Variants in CFAP20DC observed in about 807,000 individuals in gnomAD.
CFAP20DC encodes the protein CFAP20 domain containing, also known as protein CFAP20DC.
Under a neutral mutation model 101.7 loss-of-function variants are expected in CFAP20DC, and 84 were observed. The observed-to-expected ratio is 0.83, with a 90% CI of 0.69 to 0.99. The LOEUF is 0.99. Ranked by LOEUF, CFAP20DC falls within the 50% of genes least tolerant of loss-of-function variation. The pLI, the probability that CFAP20DC is intolerant of heterozygous loss-of-function variation, is 0.00. For synonymous variants in CFAP20DC, 359 were observed against 351.2 expected (o/e 1.02, Z -0.25); for missense variants, 1,007 against 970.3 (o/e 1.04, Z -0.50).
At chr3:58,789,405 T>C (rs2072660871) in intron 15 of CFAP20DC, among the ~76,000 whole-genome samples, 2 of 152,184 alleles carry the variant, frequency 1.3e-5, no homozygotes, top group Admixed American at 1.3e-4. Flanking sequence ...GGTATCATTT[T>C]CATTATTGTG....
intron 15 of CFAP20DC, among the ~76,000 whole-genome samples, chr3:58,780,357 T>C (rs1186595429): frequency 6.6e-6 from 1 of 151,852 alleles, no homozygotes; most frequent in Non-Finnish European, 1.5e-5. Flanking sequence ...CAATGGTAAA[T>C]AGTAAGAGCA....
chr3:58,817,071 C>T (rs1391111484), intron 14 of CFAP20DC, among the ~76,000 whole-genome samples: 2 of 152,040 alleles, frequency 1.3e-5, no homozygotes, highest in African/African-American at 4.8e-5. Flanking sequence ...AGACCTGCAG[C>T]TGAGGGTCTT....
intron 4 of CFAP20DC, among the ~76,000 whole-genome samples, chr3:59,003,796 G>A (rs2108778585): frequency 6.6e-6 from 1 of 152,282 alleles, no homozygotes. Flanking sequence ...GAAAGTAGAG[G>A]AACCTATAAT....
At chr3:58,842,437 G>A (rs567653739) in intron 13 of CFAP20DC, among the ~76,000 whole-genome samples, 43 of 152,148 alleles carry the variant, frequency 2.8e-4, no homozygotes, top group South Asian at 2.3e-3. Flanking sequence ...ACTCCCACCC[G>A]AATATTGCGC....
chr3:58,842,781 G>T (rs1559686249), intron 13 of CFAP20DC, among the ~76,000 whole-genome samples: 1 of 152,186 alleles, frequency 6.6e-6, no homozygotes, highest in Non-Finnish European at 1.5e-5. Context: ...AGCTTTGAAG[G>T]AGCAGTGGTT....
At chr3:58,744,488 A>G (rs1172804440) in intron 16 of CFAP20DC, among the ~76,000 whole-genome samples, 1 of 152,214 alleles carries the variant, frequency 6.6e-6, no homozygotes, top group Non-Finnish European at 1.5e-5. Context: ...CTACATTTTA[A>G]TAAGTCAGGT....
At chr3:58,953,229 A>G (rs533823556) in intron 4 of CFAP20DC, among the ~76,000 whole-genome samples, 1 of 152,294 alleles carries the variant, frequency 6.6e-6, no homozygotes, top group East Asian at 1.9e-4. Context: ...GCCAAAAGAA[A>G]GATTCACTCC....
rs1434663769 is a variant in CFAP20DC at position 58,874,783 on chromosome 3, C to A, written c.716-4474G>T. Among the ~76,000 whole-genome samples, 1 of 152,144 alleles carries A rather than the reference C, an allele frequency of 6.6e-6. No individual in the cohort carries two copies. The highest frequency in any genetic ancestry group is 1.5e-5 in the Non-Finnish European group (1 of 68,020). ...GTCAGAATTGAACTTTTACACATGT[C>A]CATGGGATTCTCTAATTAATGTGTG... On this transcript the variant is annotated intron_variant, in intron 7 of 16. Transcript: ENST00000482387. This position sits in a 1 kb window ranked among gnomAD's most constrained non-coding sequence, Gnocchi z 5.1.
chr3:59,033,551 C>G (rs1043339339), intron 4 of CFAP20DC, among the ~76,000 whole-genome samples: 2 of 151,928 alleles, frequency 1.3e-5, no homozygotes, highest in African/African-American at 4.8e-5. Flanking sequence ...TTTCGTGAAG[C>G]GTACACAGCT....
intron 6 of CFAP20DC, among the ~76,000 whole-genome samples, chr3:58,911,061 T>C (rs1004436419): frequency 2.0e-5 from 3 of 152,064 alleles, no homozygotes; most frequent in African/African-American, 7.2e-5. Context: ...ATGGAAACTA[T>C]AAAAAAGAAC....
rs1443263355 is a variant in CFAP20DC, at chr3:59,050,007, G to C, written c.-376C>G. ...TAGGAAAAGCGGGCGCGCTCCCGCTGCCGCCCCACCCCAGAATCAAACCGC... is the reference window on the plus strand; with the variant it reads ...TAGGAAAAGCGGGCGCGCTCCCGCTCCCGCCCCACCCCAGAATCAAACCGC... On this transcript the variant is annotated 5_prime_UTR_variant, in exon 1 of 17. Coordinates refer to ENST00000482387, the MANE Select transcript of CFAP20DC (RefSeq NM_001394063.1). 4.3e-6 allele frequency: 1 copy of C among 233,182 alleles called. No homozygotes were observed. The highest frequency in any genetic ancestry group is 8.4e-6 in the Non-Finnish European group (1 of 119,644). 14.4% of individuals were successfully genotyped at this position (233,182 alleles called of 1,614,324 possible).
intron 4 of CFAP20DC, among the ~76,000 whole-genome samples, chr3:58,981,168 T>C (rs1265640009): frequency 9.9e-5 from 15 of 152,024 alleles, no homozygotes; most frequent in African/African-American, 3.1e-4. Context: ...AGGATCTCTT[T>C]AAGGAGAACT....
intron 5 of CFAP20DC, among the ~76,000 whole-genome samples, chr3:58,916,469 T>G (rs879578605): frequency 1.3e-4 from 20 of 152,164 alleles, no homozygotes; most frequent in Non-Finnish European, 2.1e-4. Context: ...GGACTCATGC[T>G]TCATGGAATG....
At position 58,984,154 on chromosome 3, in the gene CFAP20DC, C is replaced by G. The variant is rs977292747; in HGVS notation, c.279-46392G>C. ...GGCAGGACAAGTTGGTGATAGCATT[C>G]CATCCTGCTTACTAAAATTAAATTT... On this transcript the variant is annotated intron_variant, in intron 4 of 16. Coordinates refer to ENST00000482387, the MANE Select transcript of CFAP20DC (RefSeq NM_001394063.1). Among the ~76,000 whole-genome samples, 8 of 152,270 alleles carry G rather than the reference C, an allele frequency of 5.3e-5. No individual in the cohort carries two copies. In the South Asian group the frequency reaches 1.7e-3, roughly 32 times the overall value.
chr3:58,965,837 T>C (rs2091482561), intron 4 of CFAP20DC, among the ~76,000 whole-genome samples: 1 of 152,156 alleles, frequency 6.6e-6, no homozygotes, highest in Non-Finnish European at 1.5e-5. Context: ...TGTACAACAT[T>C]CAAAAAAGAG....
chr3:58,807,116 C>G (rs991131557), intron 14 of CFAP20DC, among the ~76,000 whole-genome samples: 1 of 152,204 alleles, frequency 6.6e-6, no homozygotes, highest in Non-Finnish European at 1.5e-5. Context: ...CTGCCTGCCT[C>G]TGTAGGCTCC....
intron 5 of CFAP20DC, among the ~76,000 whole-genome samples, chr3:58,916,696 T>C (rs1301505812): frequency 2.6e-5 from 4 of 152,120 alleles, no homozygotes; most frequent in Admixed American, 1.3e-4. Flanking sequence ...GGGTGGTTTC[T>C]AAAAAAGATG....
At chr3:58,842,639 G>C (rs2077236398) in intron 13 of CFAP20DC, among the ~76,000 whole-genome samples, 2 of 152,238 alleles carry the variant, frequency 1.3e-5, no homozygotes, top group Admixed American at 6.5e-5. Context: ...CAGCCAGGAA[G>C]CTCTAACTGG....
chr3:58,777,614 G>A (rs1252656426), intron 15 of CFAP20DC, among the ~76,000 whole-genome samples: 2 of 152,192 alleles, frequency 1.3e-5, no homozygotes, highest in South Asian at 2.1e-4. Context: ...ATGAAGTTAC[G>A]ATATTTCTCA....
Sources: gnomAD v4.1 joint callset for allele counts (sites outside exome capture counted in the v4.1 genomes callset) on GRCh38, gnomAD v4.1.1 for gene constraint, Gnocchi (gnomAD v3.1) non-coding constraint, MANE v1.5 for transcripts, NCBI Gene and HGNC (gene_info 2026-07-23, HGNC 2026-07-21) for gene names.